ATXN1: variants seen among roughly 807,000 people sequenced by gnomAD.
The protein encoded by ATXN1 is ataxin 1.
ATXN1 carries 8 observed loss-of-function variants against 56.4 expected under a neutral mutation model. The ratio of observed to expected loss-of-function variants is 0.14; its 90% CI spans 0.08 to 0.26. ATXN1 has a LOEUF of 0.26. Among genes scored for constraint, ATXN1 ranks in the 10% least tolerant of loss-of-function variants. The pLI is 1.00. For synonymous variants in ATXN1, 514 were observed against 494.6 expected, an observed-to-expected ratio of 1.04 and a Z score of -0.52; for missense variants, 987 against 1,106.5, an observed-to-expected ratio of 0.89 and a Z score of 1.53.
intron 2 of ATXN1, chr6:16,739,890 A>G (rs1760271630): frequency 4.4e-6 from 2 of 456,956 alleles, no homozygotes; most frequent in East Asian, 1.4e-4. Context: ...GCAAGAAGAG[A>G]TGTCCACCAG....
chr6:16,629,898 C>CTCCATCTCAAA (rs1763474561), intron 3 of ATXN1, among the ~76,000 whole-genome samples: 1 of 145,774 alleles, frequency 6.9e-6, no homozygotes, highest in Non-Finnish European at 1.5e-5. Flanking sequence ...GCCTGGGCAA[C>CTCCATCTCAAA]AAAAGCAAAA....
chr6:16,387,396 T>G (rs1758263703), intron 6 of ATXN1, among the ~76,000 whole-genome samples: 1 of 152,176 alleles, frequency 6.6e-6, no homozygotes, highest in Non-Finnish European at 1.5e-5. Flanking sequence ...TCACTGAAAG[T>G]TCACTGTGGA....
At chr6:16,473,370 A>G (rs1042324717) in intron 6 of ATXN1, among the ~76,000 whole-genome samples, 4 of 152,202 alleles carry the variant, frequency 2.6e-5, no homozygotes, top group African/African-American at 9.6e-5. Flanking sequence ...GAAATGAAAC[A>G]GTCATTTCTA....
chr6:16,483,372 A>G (rs542224295), intron 6 of ATXN1, among the ~76,000 whole-genome samples: 2 of 152,230 alleles, frequency 1.3e-5, no homozygotes, highest in Non-Finnish European at 2.9e-5. Context: ...GCATTCTTTG[A>G]AAATTGCCTG....
At chr6:16,579,521 G>T (rs1160798395) in intron 4 of ATXN1, among the ~76,000 whole-genome samples, 1 of 105,992 alleles carries the variant, frequency 9.4e-6, no homozygotes, top group Non-Finnish European at 2.0e-5. Context: ...AAGTCCAAGG[G>T]CGTTTCACTT....
At chr6:16,427,879 C>A (rs149582172) in intron 6 of ATXN1, among the ~76,000 whole-genome samples, 52 of 152,316 alleles carry the variant, frequency 3.4e-4, no homozygotes, top group Middle Eastern at 3.4e-3. Flanking sequence ...ATGCTCTGTT[C>A]TGAAACACTC....
chr6:16,729,380 G>A (rs1409141490), intron 2 of ATXN1, among the ~76,000 whole-genome samples: 2 of 152,154 alleles, frequency 1.3e-5, no homozygotes, highest in African/African-American at 2.4e-5. Context: ...ATAAGCGTTC[G>A]CTGGCTTTCT....
chr6:16,545,523 C>G lies in ATXN1; in HGVS notation c.-360-22835G>C, dbSNP rs555421401. ...AAATGCCATCTAGACCATAAGGACT[C>G]TTATAAAACACAAACCACTTCATCA... On this transcript the variant is annotated intron_variant, in intron 4 of 7. Transcript: ENST00000436367. Among the ~76,000 whole-genome samples the G allele has an allele frequency of 3.9e-5, 6 of 152,196 alleles. No homozygotes were observed. The South Asian group carries it at 1.2e-3, about 32-fold the overall frequency.
intron 3 of ATXN1, among the ~76,000 whole-genome samples, chr6:16,624,604 C>A (rs899020284): frequency 2.0e-5 from 3 of 152,072 alleles, no homozygotes; most frequent in Non-Finnish European, 4.4e-5. Flanking sequence ...CATTCTGCAC[C>A]ATAGATTGAG....
chr6:16,612,065 T>G (rs1366276425), intron 3 of ATXN1, among the ~76,000 whole-genome samples: 1 of 151,898 alleles, frequency 6.6e-6, no homozygotes, highest in Non-Finnish European at 1.5e-5. Context: ...TTCACCATGT[T>G]AGTCAGGACG....
At chr6:16,665,051 T>C (rs1056851945) in intron 2 of ATXN1, among the ~76,000 whole-genome samples, 3 of 152,128 alleles carry the variant, frequency 2.0e-5, no homozygotes, top group Non-Finnish European at 2.9e-5. Flanking sequence ...TAATGGAAAA[T>C]GGTTAAATTC....
intron 1 of ATXN1, among the ~76,000 whole-genome samples, chr6:16,758,478 C>T (rs748023244): frequency 3.2e-4 from 48 of 152,188 alleles, no homozygotes; most frequent in Non-Finnish European, 5.7e-4. Context: ...GGAAGAACAG[C>T]TTGTTGGTCT....
rs1353667156 is a variant in ATXN1 at position 16,506,180 on chromosome 6, G to C, written c.-299+16447C>G. On this transcript the variant is annotated intron_variant, in intron 5 of 7. Transcript: ENST00000436367. The surrounding 1 kb of genome is among the most constrained non-coding windows in gnomAD (Gnocchi z 4.1). The stretch of plus-strand genomic sequence containing the variant: ...TAGAAAATATTTCTAGGGTAGCACA[G>C]AAGTTTGGCCTTTTCGCTGGTGATT... Among the ~76,000 whole-genome samples, 3 of 152,218 alleles carry C rather than the reference G, an allele frequency of 2.0e-5. No homozygotes were observed.
At chr6:16,374,308 A>G (rs1762104549) in intron 6 of ATXN1, among the ~76,000 whole-genome samples, 1 of 152,218 alleles carries the variant, frequency 6.6e-6, no homozygotes, top group Non-Finnish European at 1.5e-5. Context: ...TAGAAATAAC[A>G]GTAGCTTAAA....
At chr6:16,418,110 T>C (rs1389879834) in intron 6 of ATXN1, among the ~76,000 whole-genome samples, 7 of 152,212 alleles carry the variant, frequency 4.6e-5, no homozygotes, top group Non-Finnish European at 5.9e-5. Context: ...GTGAACACTG[T>C]TGTAGAGCTA....
At position 16,302,136 on chromosome 6, in the gene ATXN1, A is replaced by C. The variant is rs1414091586; in HGVS notation, c.*4193T>G. ...TAATCCACAAGATGCAGGAAATCCA[A>C]ACATTCCTTGAAATTGTACAACCCT... On this transcript the variant is annotated 3_prime_UTR_variant, in exon 8 of 8. Coordinates refer to ENST00000436367, the MANE Select transcript of ATXN1 (RefSeq NM_001128164.2). 1.3e-5 allele frequency: 2 copies of C among 152,690 alleles called. No individual in the cohort carries two copies. The highest frequency in any genetic ancestry group is 4.8e-5 in the African/African-American group (2 of 41,470). 9.5% of individuals were successfully genotyped at this position (152,690 alleles called of 1,614,324 possible). A position where few individuals can be genotyped will look rare whatever the true frequency, so the allele number is the denominator to read the frequency against.
intron 4 of ATXN1, among the ~76,000 whole-genome samples, chr6:16,543,525 T>C (rs1761755186): frequency 1.3e-5 from 2 of 151,274 alleles, no homozygotes; most frequent in African/African-American, 4.9e-5. Context: ...ATCAATTACA[T>C]GTGAATTGAA....
At position 16,302,121 on chromosome 6, in the gene ATXN1, G is replaced by A. The variant is rs906772707; in HGVS notation, c.*4208C>T. On this transcript the variant is annotated 3_prime_UTR_variant, in exon 8 of 8. Transcript: ENST00000436367. ...GCGGTATCTAAGGAGTAATCCACAA[G>A]ATGCAGGAAATCCAAACATTCCTTG... The A allele has an allele frequency of 1.1e-4, 17 of 152,654 alleles. No homozygotes were observed. Among genetic ancestry groups the A allele is most frequent in the African/African-American group, 4.1e-4 (17 of 41,450 alleles). 9.5% of individuals were successfully genotyped at this position (152,654 alleles called of 1,614,324 possible). A position where few individuals can be genotyped will look rare whatever the true frequency, so the allele number is the denominator to read the frequency against.
chr6:16,614,186 T>A (rs1176500676), intron 3 of ATXN1, among the ~76,000 whole-genome samples: 3 of 151,712 alleles, frequency 2.0e-5, no homozygotes, highest in African/African-American at 7.3e-5. Flanking sequence ...TTTTGACAAG[T>A]CAGTCTTTTT....
Sources: allele counts gnomAD v4.1 joint callset (sites outside exome capture counted in the v4.1 genomes callset), GRCh38; gene constraint gnomAD v4.1.1; non-coding constraint Gnocchi (gnomAD v3.1); transcripts MANE v1.5; gene names NCBI Gene and HGNC (gene_info 2026-07-23, HGNC 2026-07-21).